Variants in ST6GALNAC1 observed in about 807,000 individuals in gnomAD.
ST6GALNAC1 encodes the protein ST6 N-acetylgalactosaminide alpha-2,6-sialyltransferase 1, also known as alpha-N-acetylgalactosaminide alpha-2,6-sialyltransferase 1.
Under a neutral mutation model 56.8 loss-of-function variants are expected in ST6GALNAC1, and 45 were observed. The ratio of observed to expected loss-of-function variants is 0.79; its 90% CI spans 0.62 to 1.02. The LOEUF is 1.02. Among genes scored for constraint, ST6GALNAC1 ranks in the 50% least tolerant of loss-of-function variants. ST6GALNAC1 has a pLI of 0.00. For missense variants in ST6GALNAC1, 743 were observed against 754.8 expected (o/e 0.98, Z 0.18); for synonymous variants, 295 against 297.8 (o/e 0.99, Z 0.10).
In ST6GALNAC1 at chr17:76,627,718, A is replaced by T. The variant is rs1180845050; in HGVS notation, c.832-135T>A. 6 of 768,186 alleles carry T rather than the reference A, an allele frequency of 7.8e-6. No homozygotes were observed. The Admixed American group carries it at 1.4e-4, about 17-fold the overall frequency. 47.6% of individuals were successfully genotyped at this position (768,186 alleles called of 1,614,324 possible). A position where few individuals can be genotyped will look rare whatever the true frequency, so the allele number is the denominator to read the frequency against. ...CTGCTACCTCTTCCATTCTGTTCTC[A>T]GGGTCTGCTTACCCTCCCCTTCCCA... On this transcript the variant is annotated intron_variant, in intron 2 of 8. Transcript: ENST00000156626. This position sits in a 1 kb window ranked among gnomAD's most constrained non-coding sequence, Gnocchi z 4.4.
intron 1 of ST6GALNAC1, among the ~76,000 whole-genome samples, chr17:76,633,425 G>A (rs1170230772): frequency 3.3e-5 from 5 of 152,158 alleles, no homozygotes; most frequent in Admixed American, 1.3e-4. Flanking sequence ...CAGAAGAATC[G>A]CTTGAACCTG....
the ST6GALNAC1 span, among the ~76,000 whole-genome samples, chr17:76,618,810 G>T: frequency 6.6e-6 from 1 of 151,688 alleles, no homozygotes; most frequent in Admixed American, 6.6e-5. Context: ...TGGGCCTGGT[G>T]GTGTGCGCCT....
At position 76,627,970 on chromosome 17, in the gene ST6GALNAC1, G is replaced by A. The variant is rs1353371944; in HGVS notation, c.832-387C>T. On this transcript the variant is annotated intron_variant, in intron 2 of 8. Transcript: ENST00000156626. The surrounding 1 kb of genome is among the most constrained non-coding windows in gnomAD (Gnocchi z 4.4). ...AAATTAGCCGGGCGTGGTGGCGGGCGCCTGTAGTTCCAGCTACTCGGGAGG... is the reference window on the plus strand; with the variant it reads ...AAATTAGCCGGGCGTGGTGGCGGGCACCTGTAGTTCCAGCTACTCGGGAGG... Among the ~76,000 whole-genome samples the A allele has an allele frequency of 5.9e-5, 9 of 151,960 alleles. No individual in the cohort carries two copies. The highest frequency in any genetic ancestry group is 2.1e-4 in the South Asian group (1 of 4,822).
At position 76,629,126 on chromosome 17, in the gene ST6GALNAC1, AG is replaced by A; in HGVS notation, c.716del (p.Pro239LeufsTer13). On this transcript the variant is annotated frameshift_variant, in exon 2 of 9. Coordinates refer to ENST00000156626, the MANE Select transcript of ST6GALNAC1 (RefSeq NM_018414.5). LOFTEE classifies it high-confidence loss of function. ...KKPQATPPPA[P>X]FQSPTTQRNQ... The stretch of plus-strand genomic sequence containing the variant: ...TTCTCTGCGTCGTGGGGCTCTGGAA[AG>A]GGGCAGGGGGTGGGGTGGCCTGAGG... The A allele has an allele frequency of 6.2e-7, 1 of 1,611,718 alleles. No individual in the cohort carries two copies. The highest frequency in any genetic ancestry group is 1.3e-5 in the African/African-American group (1 of 74,778).
intron 1 of ST6GALNAC1, among the ~76,000 whole-genome samples, chr17:76,634,494 C>A (rs1459317813): frequency 6.6e-6 from 1 of 152,144 alleles, no homozygotes; most frequent in African/African-American, 2.4e-5. Flanking sequence ...GAGGGCTATT[C>A]CAGCCTCCTT....
At chr17:76,635,251 TG>T (rs993342941) in intron 1 of ST6GALNAC1, among the ~76,000 whole-genome samples, 17 of 152,344 alleles carry the variant, frequency 1.1e-4, no homozygotes, top group African/African-American at 4.1e-4. Flanking sequence ...CTTCAGTGGC[TG>T]GATACAGCTT....
Position 76,629,411 on chromosome 17 carries a change from T to A in ST6GALNAC1, c.432A>T (p.Ala144=). 6.2e-7 allele frequency: 1 copy of A among 1,614,204 alleles called. No homozygotes were observed. The highest frequency in any genetic ancestry group is 1.1e-5 in the South Asian group (1 of 91,084). Residue 144 remains alanine, a synonymous_variant, in exon 2 of 9, where the codon GCA becomes GCT. Transcript: ENST00000156626. ...VNTLSPRGQD[A]GMASGRTEAQ... ...CCTCTGTCCTGCCAGAGGCCATCCC[T>A]GCATCTTGCCCTCTGGGTGACAGTG...
At position 76,625,449 on chromosome 17, in the gene ST6GALNAC1, T is replaced by C; in HGVS notation, c.1684A>G (p.Ile562Val). 6.2e-7 allele frequency: 1 copy of C among 1,614,166 alleles called. No individual in the cohort carries two copies. Among genetic ancestry groups the C allele is most frequent in the Non-Finnish European group, 8.5e-7 (1 of 1,180,034 alleles). ...HYYDTSWKRL[I>V]FYINHDFKLE... ...TTGAAGTCATGGTTTATGTAAAAGA[T>C]CAGCCGCTTCCATGATGTATCATAG... The change falls in exon 9 of 9, where the codon ATC (isoleucine) becomes GTC (valine). Residue 562 changes from isoleucine (I) to valine (V), a missense_variant. Transcript: ENST00000156626.
At chr17:76,631,530 G>C (rs8067448) in intron 1 of ST6GALNAC1, among the ~76,000 whole-genome samples, 63,137 of 152,010 alleles carry the variant, frequency 0.42, 14,277 homozygotes, top group Non-Finnish European at 0.53. Flanking sequence ...GAGCCTCTGG[G>C]GGGGCTTGGA....
chr17:76,622,513 C>T (rs937466398), downstream of ST6GALNAC1, among the ~76,000 whole-genome samples: 6 of 151,894 alleles, frequency 4.0e-5, no homozygotes, highest in African/African-American at 9.7e-5. Context: ...TACAGGTGCA[C>T]GCCACCATGC....
the ST6GALNAC1 span, among the ~76,000 whole-genome samples, chr17:76,619,262 G>A: frequency 1.2e-3 from 177 of 152,282 alleles, 2 homozygotes; most frequent in African/African-American, 4.2e-3. Flanking sequence ...AGTGAAGAAT[G>A]CTATCTAGGA....
intron 1 of ST6GALNAC1, among the ~76,000 whole-genome samples, chr17:76,641,613 G>A (rs1397445496): frequency 6.6e-6 from 1 of 152,116 alleles, no homozygotes; most frequent in East Asian, 1.9e-4. Flanking sequence ...TGTGGTCCTG[G>A]GAGGTAAAGT....
intron 1 of ST6GALNAC1, among the ~76,000 whole-genome samples, chr17:76,631,098 C>T (rs115818373): frequency 0.068 from 9,496 of 139,586 alleles, 336 homozygotes; most frequent in Middle Eastern, 0.09. Flanking sequence ...TGTGTGTGTG[C>T]ACGCGTGCGC....
intron 1 of ST6GALNAC1, among the ~76,000 whole-genome samples, chr17:76,634,525 C>T (rs971861158): frequency 4.6e-5 from 7 of 151,768 alleles, no homozygotes; most frequent in East Asian, 1.9e-4. Context: ...ATCAGTTCTT[C>T]GGGGTCTCCT....
At chr17:76,626,936 C>T in intron 4 of ST6GALNAC1, 131 bp downstream of exon 4, 4 of 1,458,670 alleles carry the variant, frequency 2.7e-6, no homozygotes, top group Non-Finnish European at 2.8e-6. Flanking sequence ...CTTCCAGATG[C>T]AGGCGTGGAA....
intron 1 of ST6GALNAC1, among the ~76,000 whole-genome samples, chr17:76,630,888 ATT>A (rs939007475): frequency 0.066 from 8,113 of 123,230 alleles, 270 homozygotes; most frequent in Middle Eastern, 0.11. Context: ...ACCGCGCCCA[ATT>A]TTTTTTTTTT....
At chr17:76,619,353 G>T in the ST6GALNAC1 span, among the ~76,000 whole-genome samples, 366 of 152,306 alleles carry the variant, frequency 2.4e-3, 1 homozygote, top group Non-Finnish European at 4.1e-3. Flanking sequence ...GGGAATGTAT[G>T]TATACGTGTG....
At chr17:76,641,798 C>T (rs958029648) in intron 1 of ST6GALNAC1, 5 of 152,098 alleles carry the variant, frequency 3.3e-5, no homozygotes, top group South Asian at 4.1e-4. Context: ...GTTAAGTAAA[C>T]AGTACCTACC....
At chr17:76,641,475 T>C (rs866604942) in intron 1 of ST6GALNAC1, among the ~76,000 whole-genome samples, 1 of 152,152 alleles carries the variant, frequency 6.6e-6, no homozygotes, top group East Asian at 1.9e-4. Context: ...AGGTCATTCA[T>C]AGAAAAGTAC....
Sources: gnomAD v4.1 joint callset for allele counts (sites outside exome capture counted in the v4.1 genomes callset) on GRCh38, gnomAD v4.1.1 for gene constraint, Gnocchi (gnomAD v3.1) non-coding constraint, MANE v1.5 for transcripts, NCBI Gene and HGNC (gene_info 2026-07-23, HGNC 2026-07-21) for gene names.